Variants in PIP5K1B observed in about 807,000 individuals in gnomAD.
The protein encoded by PIP5K1B is phosphatidylinositol 4-phosphate 5-kinase type-1 beta.
PIP5K1B carries 42 observed loss-of-function variants against 67.0 expected under a neutral mutation model. That is an observed-to-expected ratio of 0.63 (90% confidence interval 0.49 to 0.81). PIP5K1B has a LOEUF of 0.81. Among genes scored for constraint, PIP5K1B ranks in the 30% least tolerant of loss-of-function variants. PIP5K1B has a pLI of 0.00. For missense variants in PIP5K1B, 459 were observed against 646.3 expected (o/e 0.71, Z 3.14); for synonymous variants, 214 against 231.4 (o/e 0.92, Z 0.68).
intron 2 of PIP5K1B, among the ~76,000 whole-genome samples, chr9:68,753,515 C>CTTTTTTTTTTTTTT (rs71500334): frequency 2.6e-5 from 1 of 38,282 alleles, no homozygotes; most frequent in Non-Finnish European, 4.2e-5. Flanking sequence ...AATTTTGTTT[C>CTTTTTTTTTTTTTT]TTTTTTTTTT....
chr9:68,827,047 C>G (rs1055428278), intron 4 of PIP5K1B, among the ~76,000 whole-genome samples: 1 of 152,154 alleles, frequency 6.6e-6, no homozygotes, highest in Non-Finnish European at 1.5e-5. Context: ...CCACTGGGCC[C>G]GGCCAAAAAT....
At chr9:68,833,216 T>C (rs1487342402) in intron 4 of PIP5K1B, among the ~76,000 whole-genome samples, 1 of 152,234 alleles carries the variant, frequency 6.6e-6, no homozygotes, top group Non-Finnish European at 1.5e-5. Flanking sequence ...TAGGCAAAGG[T>C]ACTGCTGCCT....
At chr9:68,960,553 A>G (rs993893259) in intron 14 of PIP5K1B, among the ~76,000 whole-genome samples, 1 of 151,818 alleles carries the variant, frequency 6.6e-6, no homozygotes, top group Non-Finnish European at 1.5e-5. Context: ...CTAGTCTTCT[A>G]CGTTTCTGTT....
At chr9:68,838,126 G>A (rs1821728101) in intron 4 of PIP5K1B, among the ~76,000 whole-genome samples, 1 of 150,142 alleles carries the variant, frequency 6.7e-6, no homozygotes, top group Non-Finnish European at 1.5e-5. Context: ...TTCTGACTGG[G>A]GATACGTTAG....
chr9:68,762,088 G>A (rs1247180272), intron 2 of PIP5K1B, among the ~76,000 whole-genome samples: 20 of 152,054 alleles, frequency 1.3e-4, no homozygotes, highest in Admixed American at 1.3e-3. Flanking sequence ...TAACTGAAGA[G>A]ATTCTCTTCA....
At chr9:68,758,568 A>G (rs1830045535) in intron 2 of PIP5K1B, among the ~76,000 whole-genome samples, 1 of 152,106 alleles carries the variant, frequency 6.6e-6, no homozygotes, top group Non-Finnish European at 1.5e-5. Context: ...CAATACGAAC[A>G]ACAACGAGAA....
chr9:68,896,242 G>A (rs1048775536), intron 8 of PIP5K1B, among the ~76,000 whole-genome samples: 2 of 152,036 alleles, frequency 1.3e-5, no homozygotes, highest in African/African-American at 4.8e-5. Flanking sequence ...AGAGTTTAGT[G>A]TCAGCCTCTC....
chr9:68,864,148 A>C (rs1823247108), intron 5 of PIP5K1B, among the ~76,000 whole-genome samples, 181 bp downstream of exon 5: 1 of 152,206 alleles, frequency 6.6e-6, no homozygotes, highest in Admixed American at 6.5e-5. Flanking sequence ...GATGTCTCAC[A>C]ATTTTTATGT....
chr9:68,958,966 A>T (rs1288160014), intron 14 of PIP5K1B, among the ~76,000 whole-genome samples: 3 of 152,234 alleles, frequency 2.0e-5, no homozygotes, highest in Non-Finnish European at 4.4e-5. Flanking sequence ...ATTTTTAGAA[A>T]GTTGGTTCAT....
chr9:68,856,795 G>A (rs923153586), intron 4 of PIP5K1B, among the ~76,000 whole-genome samples: 8 of 152,146 alleles, frequency 5.3e-5, no homozygotes, highest in African/African-American at 1.9e-4. Flanking sequence ...GGGGCAACAC[G>A]GGAAAAAATG....
At chr9:68,890,708 A>C (rs1222502759) in intron 7 of PIP5K1B, among the ~76,000 whole-genome samples, 2 of 152,014 alleles carry the variant, frequency 1.3e-5, no homozygotes, top group Non-Finnish European at 2.9e-5. Flanking sequence ...AAAAAAAAAA[A>C]ACTAACTATA....
intron 8 of PIP5K1B, among the ~76,000 whole-genome samples, chr9:68,900,463 G>C (rs17058780): frequency 0.097 from 14,788 of 152,158 alleles, 860 homozygotes; most frequent in Non-Finnish European, 0.14. Context: ...AATTTACCAT[G>C]ATTATTTTTT....
At chr9:68,844,293 G>C (rs552467668) in intron 4 of PIP5K1B, among the ~76,000 whole-genome samples, 3 of 152,344 alleles carry the variant, frequency 2.0e-5, no homozygotes, top group Non-Finnish European at 4.4e-5. Context: ...GTTGGAAAGA[G>C]TGTGGGGTCA....
chr9:68,970,710 A>G (rs1242470917), intron 14 of PIP5K1B, among the ~76,000 whole-genome samples: 1 of 152,250 alleles, frequency 6.6e-6, no homozygotes, highest in Non-Finnish European at 1.5e-5. Context: ...CTCTGTTAAG[A>G]AATCACATAT....
intron 2 of PIP5K1B, among the ~76,000 whole-genome samples, chr9:68,769,826 C>T (rs1273722272): frequency 6.6e-6 from 1 of 152,188 alleles, no homozygotes; most frequent in African/African-American, 2.4e-5. Context: ...GCTTTCCTCT[C>T]GTTCTTCATG....
chr9:69,008,438 T>TC lies in PIP5K1B; in HGVS notation c.1621-3dup, dbSNP rs768637047. ...TCTAGTCTCACACCTGCTTTTTTGC[T>TC]CCCCCCAGTAAGTGAAAATGGTGAT... On this transcript the variant is annotated splice_polypyrimidine_tract_variant and intron_variant, in intron 15 of 15. Transcript: ENST00000265382. 9.9e-6 allele frequency: 16 copies of TC among 1,613,484 alleles called. No homozygotes were observed. The highest frequency in any genetic ancestry group is 1.6e-4 in the Middle Eastern group (1 of 6,062).
chr9:68,876,824 T>C (rs1167926883), intron 6 of PIP5K1B, 30 bp downstream of exon 6: 5 of 1,066,182 alleles, frequency 4.7e-6, no homozygotes, highest in Non-Finnish European at 7.3e-6. Context: ...CTTCCTTCTA[T>C]AGAAATGTGT....
chr9:69,007,714 A>G (rs1029773214), intron 15 of PIP5K1B, among the ~76,000 whole-genome samples: 10 of 152,064 alleles, frequency 6.6e-5, no homozygotes, highest in African/African-American at 1.2e-4. Context: ...AAAATTAGCC[A>G]GGCGTGATGG....
At position 68,805,100 on chromosome 9, in the gene PIP5K1B, A is replaced by G. The variant is rs1832797780; in HGVS notation, c.-85-13361A>G. Among the ~76,000 whole-genome samples the G allele has an allele frequency of 2.6e-5, 4 of 152,326 alleles. No individual in the cohort carries two copies. The South Asian group carries it at 8.3e-4, about 32-fold the overall frequency. On this transcript the variant is annotated intron_variant, in intron 2 of 15. Coordinates refer to ENST00000265382, the MANE Select transcript of PIP5K1B (RefSeq NM_003558.4). ...GCATTTGAGATTGGCACAGCCCTGG[A>G]GAGGCTAGCTCAAGTAGAACAAACA... is the stretch of plus-strand genomic sequence containing the variant.
Sources: gnomAD v4.1 joint callset for allele counts (sites outside exome capture counted in the v4.1 genomes callset) on GRCh38, gnomAD v4.1.1 for gene constraint, MANE v1.5 for transcripts, NCBI Gene and HGNC (gene_info 2026-07-23, HGNC 2026-07-21) for gene names.